The following FAM83B variants were observed in gnomAD, a reference collection of about 807,000 sequenced individuals.
FAM83B encodes the protein protein FAM83B.
In FAM83B, 26 loss-of-function variants were observed where a neutral mutation model predicts 38.8. That is an observed-to-expected ratio of 0.67 (90% CI 0.49 to 0.93). The LOEUF is 0.93. Among genes scored for constraint, FAM83B ranks in the 40% least tolerant of loss-of-function variants. The pLI, the probability that FAM83B is intolerant of heterozygous loss-of-function variation, is 0.00. For missense variants in FAM83B, 1,237 were observed against 1,197.3 expected, an observed-to-expected ratio of 1.03 and a Z score of -0.49; for synonymous variants, 419 against 423.1, an observed-to-expected ratio of 0.99 and a Z score of 0.12.
intron 4 of FAM83B, among the ~76,000 whole-genome samples, chr6:54,930,952 C>G (rs772489474): frequency 6.6e-5 from 10 of 152,056 alleles, no homozygotes; most frequent in Non-Finnish European, 1.5e-4. Flanking sequence ...AAACGTCCCT[C>G]TTAAGAGTGC....
At chr6:54,851,615 G>A (rs1561902015) in intron 1 of FAM83B, among the ~76,000 whole-genome samples, 1 of 150,856 alleles carries the variant, frequency 6.6e-6, no homozygotes, top group Non-Finnish European at 1.5e-5. Context: ...TGGGACTACA[G>A]GCAGGCGCTA....
chr6:54,869,270 C>T (rs1477275609), intron 1 of FAM83B, among the ~76,000 whole-genome samples: 1 of 152,144 alleles, frequency 6.6e-6, no homozygotes, highest in Non-Finnish European at 1.5e-5. Flanking sequence ...ATACTCTGTC[C>T]ACTTCCTCAC....
intron 1 of FAM83B, among the ~76,000 whole-genome samples, chr6:54,847,513 TG>T (rs1771170117): frequency 1.3e-5 from 2 of 152,030 alleles, no homozygotes; most frequent in African/African-American, 4.8e-5. Context: ...TACCAAAGTT[TG>T]AGAACCACTG....
At chr6:54,925,817 G>T (rs1561927156) in intron 2 of FAM83B, among the ~76,000 whole-genome samples, 1 of 151,960 alleles carries the variant, frequency 6.6e-6, no homozygotes, top group African/African-American at 2.4e-5. Flanking sequence ...CAGAGGTCCT[G>T]GAACCATTCC....
intron 1 of FAM83B, among the ~76,000 whole-genome samples, chr6:54,857,481 T>C (rs1163515154): frequency 6.6e-6 from 1 of 152,162 alleles, no homozygotes; most frequent in Non-Finnish European, 1.5e-5. Context: ...ATGAGTGTTG[T>C]GAAGTGAGGA....
In FAM83B at chr6:54,855,332, A is replaced by G. The variant is rs76914466; in HGVS notation, c.-61+8506A>G. Among the ~76,000 whole-genome samples the G allele has an allele frequency of 3.0e-3, 462 of 152,348 alleles. 7 individuals carry two copies. Among genetic ancestry groups the G allele is most frequent in the East Asian group, 0.029 (152 of 5,186 alleles). On this transcript the variant is annotated intron_variant, in intron 1 of 4. Transcript: ENST00000306858. ...GCTAAGTAGGAGATCACTTATACAT[A>G]TAATTGAAAATTACAGCATATGGCT... is the stretch of plus-strand genomic sequence containing the variant.
At chr6:54,900,174 A>G (rs1199877173) in intron 2 of FAM83B, among the ~76,000 whole-genome samples, 1 of 152,166 alleles carries the variant, frequency 6.6e-6, no homozygotes. Context: ...GGGCTTTCCA[A>G]TATTTGGTAT....
rs374642922 is a variant in FAM83B at position 54,941,443 on chromosome 6, T to A, written c.2472T>A (p.Val824=). The change falls in exon 5 of 5, where the codon GTT becomes GTA. Residue 824 remains valine, a synonymous_variant. Transcript: ENST00000306858. The part of the protein sequence containing the change: ...NQKPKKSDTK[V]DSSPRRKHSS... Reference sequence around the variant, plus strand: ...AACCAAAGAAATCAGACACAAAAGTTGATTCATCTCCTAGAAGAAAGCATT... The same window carrying A: ...AACCAAAGAAATCAGACACAAAAGTAGATTCATCTCCTAGAAGAAAGCATT... The A allele has an allele frequency of 3.1e-6, 5 of 1,613,006 alleles. No homozygotes were observed. In the African/African-American group the frequency reaches 6.7e-5, roughly 22 times the overall value.
intron 4 of FAM83B, 111 bp from the exon 5 acceptor site, chr6:54,939,595 T>C (rs1773607163): frequency 1.0e-6 from 1 of 972,354 alleles, no homozygotes; most frequent in Non-Finnish European, 1.4e-6. Flanking sequence ...TAAATAATGA[T>C]AGCCAAAGAA....
intron 2 of FAM83B, among the ~76,000 whole-genome samples, chr6:54,873,516 A>G (rs1409643237): frequency 6.6e-6 from 1 of 152,116 alleles, no homozygotes; most frequent in East Asian, 1.9e-4. Context: ...TGCTCTTATT[A>G]TCTTTCAGAA....
intron 4 of FAM83B, among the ~76,000 whole-genome samples, chr6:54,929,334 C>A (rs1303984941): frequency 6.6e-6 from 1 of 152,030 alleles, no homozygotes; most frequent in Non-Finnish European, 1.5e-5. Flanking sequence ...GTTGAAAATG[C>A]CTTCTTCTTT....
intron 2 of FAM83B, among the ~76,000 whole-genome samples, chr6:54,876,784 T>C (rs1772008178): frequency 6.6e-6 from 1 of 152,136 alleles, no homozygotes; most frequent in African/African-American, 2.4e-5. Flanking sequence ...ATGGTGTGTA[T>C]AGTCCTCTGA....
In FAM83B at chr6:54,942,732, T is replaced by TTTTTTTTTTTTTTTTTTTTTTTG. The variant is rs1561934815; in HGVS notation, c.*725_*726insTTTTTTTTTTTTTTTTTTTTTTG. The stretch of plus-strand genomic sequence containing the variant: ...TTACCCATAGGCTGCTGATTTTTTA[T>TTTTTTTTTTTTTTTTTTTTTTTG]AGTCATTCCTTACTTCACATTTAGG... On this transcript the variant is annotated 3_prime_UTR_variant, in exon 5 of 5. Coordinates refer to ENST00000306858, the MANE Select transcript of FAM83B (RefSeq NM_001010872.3). Among the ~76,000 whole-genome samples, 1 of 151,756 alleles carries TTTTTTTTTTTTTTTTTTTTTTTG rather than the reference T, an allele frequency of 6.6e-6. No individual in the cohort carries two copies. The highest frequency in any genetic ancestry group is 2.4e-5 in the African/African-American group (1 of 41,112).
At chr6:54,932,373 G>A (rs1773442276) in intron 4 of FAM83B, among the ~76,000 whole-genome samples, 1 of 152,050 alleles carries the variant, frequency 6.6e-6, no homozygotes. Flanking sequence ...AATCACATAT[G>A]AAAACTCCAC....
intron 2 of FAM83B, among the ~76,000 whole-genome samples, chr6:54,873,332 G>A (rs1503154): frequency 0.99 from 150,675 of 152,274 alleles, 74,552 homozygotes; most frequent in East Asian, 1. Flanking sequence ...GTAATCTGGG[G>A]AAAAAAGTTA....
chr6:54,907,741 C>A (rs914691343), intron 2 of FAM83B, among the ~76,000 whole-genome samples: 4 of 151,870 alleles, frequency 2.6e-5, no homozygotes, highest in African/African-American at 4.8e-5. Flanking sequence ...CTGTTCCATG[C>A]GAGGTTCTGG....
intron 2 of FAM83B, among the ~76,000 whole-genome samples, chr6:54,894,500 T>C (rs1772473704): frequency 6.6e-6 from 1 of 152,190 alleles, no homozygotes; most frequent in Admixed American, 6.5e-5. Context: ...ATACAAAATG[T>C]ACAAATAAGT....
At chr6:54,848,108 G>A (rs1045973676) in intron 1 of FAM83B, among the ~76,000 whole-genome samples, 8 of 151,842 alleles carry the variant, frequency 5.3e-5, no homozygotes, top group Non-Finnish European at 1.0e-4. Flanking sequence ...ATTGGAGTGG[G>A]GGTGGGGGTG....
chr6:54,880,445 T>C (rs1000760710), intron 2 of FAM83B, among the ~76,000 whole-genome samples: 2 of 143,782 alleles, frequency 1.4e-5, no homozygotes, highest in Admixed American at 6.9e-5. Flanking sequence ...AGGTTTCTTT[T>C]TTTTTTTTTT....
Sources: allele counts gnomAD v4.1 joint callset (sites outside exome capture counted in the v4.1 genomes callset), GRCh38; gene constraint gnomAD v4.1.1; transcripts MANE v1.5; gene names NCBI Gene and HGNC (gene_info 2026-07-23, HGNC 2026-07-21).